Variants in ZNF778 observed in about 807,000 individuals in gnomAD.
ZNF778 encodes zinc finger protein 778.
Under a neutral mutation model 23.9 loss-of-function variants are expected in ZNF778, and 37 were observed. The observed-to-expected ratio is 1.54, with a 90% CI of 1.19 to 2.03. The LOEUF (loss-of-function observed/expected upper bound fraction) is 2.03. Among genes scored for constraint, ZNF778 ranks in the 30% most tolerant of loss-of-function variants. The pLI is 0.00. For synonymous variants in ZNF778, 483 were observed against 343.9 expected, an observed-to-expected ratio of 1.40 and a Z score of -4.48; for missense variants, 1,297 against 934.4, an observed-to-expected ratio of 1.39 and a Z score of -5.06.
At chr16:89,223,371 G>A (rs917184166) in intron 4 of ZNF778, 88 bp downstream of exon 4, 37 of 1,556,826 alleles carry the variant, frequency 2.4e-5, no homozygotes, top group East Asian at 2.0e-4. Flanking sequence ...CGGCAAAGCC[G>A]AGTACCACGG....
In ZNF778 at chr16:89,221,013, C is replaced by A; in HGVS notation, c.-115C>A. ...GATTGCTAGGAAATAGGGATCCAGC[C>A]ATCCGTGGGTCAGGAGGAATGGAGA... On this transcript the variant is annotated 5_prime_UTR_variant, in exon 2 of 7. Coordinates refer to ENST00000433976, the MANE Select transcript of ZNF778 (RefSeq NM_001201407.2). 2.6e-6 allele frequency: 3 copies of A among 1,132,426 alleles called. No individual in the cohort carries two copies. The highest frequency in any genetic ancestry group is 1.4e-5 in the South Asian group (1 of 72,368). The allele number at this position is 1,132,426 out of a possible 1,614,324, so 70.1% of individuals were successfully genotyped here.
In ZNF778 at chr16:89,235,821, G is replaced by C. The variant is rs1411476129; in HGVS notation, c.*7259G>C. The C allele has an allele frequency of 2.6e-5, 4 of 151,982 alleles. No individual in the cohort carries two copies. The highest frequency in any genetic ancestry group is 4.4e-5 in the Non-Finnish European group (3 of 67,994). The allele number at this position is 151,982 out of a possible 1,614,324, so 9.4% of individuals were successfully genotyped here. A position where few individuals can be genotyped will look rare whatever the true frequency, so the allele number is the denominator to read the frequency against. The stretch of plus-strand genomic sequence containing the variant: ...TATTTGGTGTAAGATAAAAACTTAA[G>C]TTTGAAGAGGTTCCATGAGCCCCAG... On this transcript the variant is annotated 3_prime_UTR_variant, in exon 7 of 7. Transcript: ENST00000433976.
chr16:89,221,076 T>C lies in ZNF778; in HGVS notation c.-52T>C. On this transcript the variant is annotated 5_prime_UTR_variant, in exon 2 of 7. Transcript: ENST00000433976. ...CATAGATTCACAAGCTGCCCTGCAGTGGCCTTGGCTTCAGGAAAGGAGCAT... is the reference window on the plus strand; with the variant it reads ...CATAGATTCACAAGCTGCCCTGCAGCGGCCTTGGCTTCAGGAAAGGAGCAT... The C allele has an allele frequency of 1.3e-6, 2 of 1,555,052 alleles. No homozygotes were observed. The highest frequency in any genetic ancestry group is 1.7e-6 in the Non-Finnish European group (2 of 1,148,766).
intron 4 of ZNF778, 33 bp downstream of exon 4, chr16:89,223,316 G>A (rs2031151839): frequency 3.7e-6 from 6 of 1,612,630 alleles, no homozygotes; most frequent in Non-Finnish European, 4.2e-6. Flanking sequence ...CAACTTCTGT[G>A]GAACCAATAC....
chr16:89,224,683 A>T, intron 4 of ZNF778, 36 bp from the exon 5 acceptor site: 1 of 1,465,658 alleles, frequency 6.8e-7, no homozygotes, highest in Non-Finnish European at 9.2e-7. Context: ...CCCCTGCCTG[A>T]GCCTCTTCCA....
At position 89,222,161 on chromosome 16, in the gene ZNF778, G is replaced by C. The variant is rs772853252; in HGVS notation, c.95G>C (p.Gly32Ala). 1 of 1,604,744 alleles carries C rather than the reference G, an allele frequency of 6.2e-7. No individual in the cohort carries two copies. The highest frequency in any genetic ancestry group is 8.5e-7 in the Non-Finnish European group (1 of 1,173,992). Residue 32 changes from glycine to alanine, a missense_variant, in exon 3 of 7, where the codon GGC becomes GCC. By Grantham distance (60) the Gly-to-Ala change is moderately conservative. Coordinates refer to ENST00000433976, the MANE Select transcript of ZNF778 (RefSeq NM_001201407.2). ...ACACAGGCAGCAGGGATGGTGGCTG[G>C]CTGGCTGATAAATTGTTACCAGGTA... ...EQTQAAGMVA[G>A]WLINCYQDAV...
intron 1 of ZNF778, among the ~76,000 whole-genome samples, chr16:89,219,004 G>A (rs1201453207): frequency 2.0e-5 from 3 of 152,066 alleles, no homozygotes; most frequent in Non-Finnish European, 4.4e-5. Context: ...CTAGTCGGGA[G>A]GCTGAGGCAG....
At chr16:89,219,784 G>A (rs770868151) in intron 1 of ZNF778, among the ~76,000 whole-genome samples, 1 of 152,030 alleles carries the variant, frequency 6.6e-6, no homozygotes, top group Non-Finnish European at 1.5e-5. Context: ...TGTGTAGAGC[G>A]TTAACGCTGT....
rs912163299 is a variant in ZNF778 at position 89,227,598 on chromosome 16, C to T, written c.1310C>T (p.Thr437Ile). The T allele has an allele frequency of 6.2e-7, 1 of 1,614,186 alleles. No individual in the cohort carries two copies. The highest frequency in any genetic ancestry group is 1.3e-5 in the African/African-American group (1 of 75,054). The stretch of plus-strand genomic sequence containing the variant: ...GCCTTCACTGTGCGCTGTGGCCTTA[C>T]TAGACACGTACGAACACACACGGGC... ...GKAFTVRCGL[T>I]RHVRTHTGEK... The change falls in exon 7 of 7, where the codon ACT (threonine) becomes ATT (isoleucine). Residue 437 changes from threonine to isoleucine, a missense_variant. Thr to Ile is a moderately conservative substitution (Grantham distance 89). Transcript: ENST00000433976.
chr16:89,220,660 G>A (rs2030842222), intron 1 of ZNF778, among the ~76,000 whole-genome samples: 1 of 152,156 alleles, frequency 6.6e-6, no homozygotes, highest in African/African-American at 2.4e-5. Context: ...CATCTCAAAA[G>A]CAAACAAAAC....
Position 89,226,956 on chromosome 16 carries a change from G to A in ZNF778, c.668G>A (p.Arg223Lys). The stretch of plus-strand genomic sequence containing the variant: ...TCCCAGCAAGCATGCACTCGGGACA[G>A]ATCTCTTGACTACAGCAGCTGTGGG... Reference protein sequence around the residue: ...VVSQQACTRDRSLDYSSCGEV... With the variant: ...VVSQQACTRDKSLDYSSCGEV... The change falls in exon 7 of 7, where the codon AGA becomes AAA. Residue 223 changes from arginine (R) to lysine (K), a missense_variant. Transcript: ENST00000433976. 2 of 1,614,056 alleles carry A rather than the reference G, an allele frequency of 1.2e-6. No homozygotes were observed. Among genetic ancestry groups the A allele is most frequent in the South Asian group, 2.2e-5 (2 of 91,086 alleles).
In ZNF778 at chr16:89,227,837, C is replaced by A. The variant is rs371046890; in HGVS notation, c.1549C>A (p.Arg517Ser). 1.2e-6 allele frequency: 2 copies of A among 1,613,922 alleles called. No individual in the cohort carries two copies. Among genetic ancestry groups the A allele is most frequent in the East Asian group, 4.5e-5 (2 of 44,830 alleles). The change falls in exon 7 of 7, where the codon CGC (arginine) becomes AGC (serine). Residue 517 changes from arginine to serine, a missense_variant. Physicochemically the swap from Arg to Ser is moderately radical, Grantham distance 110. Transcript: ENST00000433976. The stretch of plus-strand genomic sequence containing the variant: ...GCAGTGTGGCAAAGCCTTCACAGGG[C>A]GCTCAGGCCTCACTAAACACATGCG... ...CKQCGKAFTG[R>S]SGLTKHMRTH...
rs751190470 is a variant in ZNF778 at position 89,227,042 on chromosome 16, A to C, written c.754A>C (p.Thr252Pro). Residue 252 changes from threonine to proline, a missense_variant, in exon 7 of 7, where the codon ACA becomes CCA. Coordinates refer to ENST00000433976, the MANE Select transcript of ZNF778 (RefSeq NM_001201407.2). ...ARAGSHNGEE[T>P]WKWKPCGKAL... ...TGCGGGAAGTCACAACGGAGAAGAA[A>C]CATGGAAATGGAAGCCGTGTGGGAA... 6.2e-7 allele frequency: 1 copy of C among 1,613,992 alleles called. No individual in the cohort carries two copies. The highest frequency in any genetic ancestry group is 2.2e-5 in the East Asian group (1 of 44,892).
rs778574928 is a variant in ZNF778, at chr16:89,227,564, T to A, written c.1276T>A (p.Cys426Ser). The A allele has an allele frequency of 6.2e-7, 1 of 1,614,196 alleles. No homozygotes were observed. The highest frequency in any genetic ancestry group is 8.5e-7 in the Non-Finnish European group (1 of 1,180,034). Reference protein sequence around the residue: ...TGIKPYTCSYCGKAFTVRCGL... With the variant: ...TGIKPYTCSYSGKAFTVRCGL... ...AATAAAACCCTATACATGCAGCTAC[T>A]GTGGGAAGGCCTTCACTGTGCGCTG... Residue 426 changes from cysteine to serine, a missense_variant, in exon 7 of 7, where the codon TGT becomes AGT. Cys to Ser is a moderately radical substitution (Grantham distance 112). Coordinates refer to ENST00000433976, the MANE Select transcript of ZNF778 (RefSeq NM_001201407.2).
rs774584775 is a variant in ZNF778 at position 89,227,074 on chromosome 16, A to G, written c.786A>G (p.Leu262=). The change falls in exon 7 of 7, where the codon CTA becomes CTG. Residue 262 remains leucine, a synonymous_variant. Transcript: ENST00000433976. ...TWKWKPCGKA[L]THSMGCATPV... ...AATGGAAGCCGTGTGGGAAAGCTCTAACTCACTCCATGGGCTGCGCCACAC... is the reference window on the plus strand; with the variant it reads ...AATGGAAGCCGTGTGGGAAAGCTCTGACTCACTCCATGGGCTGCGCCACAC... 3.1e-6 allele frequency: 5 copies of G among 1,613,964 alleles called. No homozygotes were observed. Among genetic ancestry groups the G allele is most frequent in the Middle Eastern group, 3.3e-4 (2 of 6,062 alleles).
chr16:89,228,953 G>A lies in ZNF778; in HGVS notation c.*391G>A, dbSNP rs2031747130. The A allele has an allele frequency of 3.0e-6, 3 of 1,004,618 alleles. No homozygotes were observed. The highest frequency in any genetic ancestry group is 3.6e-6 in the Non-Finnish European group (3 of 842,048). 62.2% of individuals were successfully genotyped at this position (1,004,618 alleles called of 1,614,324 possible). On this transcript the variant is annotated 3_prime_UTR_variant, in exon 7 of 7. Transcript: ENST00000433976. ...TCACCCTTTAGTAAACGTGGTGATTGACACTTGAAGTGTTGTGAATGTATG... is the reference window on the plus strand; with the variant it reads ...TCACCCTTTAGTAAACGTGGTGATTAACACTTGAAGTGTTGTGAATGTATG...
chr16:89,225,474 G>GC, intron 5 of ZNF778, 81 bp from the exon 6 acceptor site: 3 of 1,118,254 alleles, frequency 2.7e-6, no homozygotes, highest in Non-Finnish European at 3.8e-6. Context: ...TCTTTGCTTT[G>GC]TTTTTTTTTC....
rs1313916580 is a variant in ZNF778 at position 89,228,689 on chromosome 16, C to T, written c.*127C>T. Reference sequence around the variant, plus strand: ...CAATCAGCATCTCATCACAACCCGGCAGGCAGGAACTCACCCTGGAGCCCT... The same window carrying T: ...CAATCAGCATCTCATCACAACCCGGTAGGCAGGAACTCACCCTGGAGCCCT... On this transcript the variant is annotated 3_prime_UTR_variant, in exon 7 of 7. Transcript: ENST00000433976. 11 of 1,472,844 alleles carry T rather than the reference C, an allele frequency of 7.5e-6. No homozygotes were observed. Among genetic ancestry groups the T allele is most frequent in the Non-Finnish European group, 9.8e-6 (11 of 1,117,044 alleles). The allele number at this position is 1,472,844 out of a possible 1,614,324, so 91.2% of individuals were successfully genotyped here.
In ZNF778 at chr16:89,226,282, C is replaced by T. The variant is rs569853824; in HGVS notation, c.406-412C>T. The stretch of plus-strand genomic sequence containing the variant: ...ATGCAACGGCGCAATCTTAGCTCGC[C>T]GCAACCTCTGCCTCCCTGGTTCAAG... On this transcript the variant is annotated intron_variant, in intron 6 of 6. Transcript: ENST00000433976. Among the ~76,000 whole-genome samples the T allele has an allele frequency of 5.3e-5, 8 of 151,912 alleles. No individual in the cohort carries two copies. The East Asian group carries it at 7.7e-4, about 15-fold the overall frequency.
Sources: allele counts gnomAD v4.1 joint callset (sites outside exome capture counted in the v4.1 genomes callset), GRCh38; gene constraint gnomAD v4.1.1; transcripts MANE v1.5; gene names NCBI Gene and HGNC (gene_info 2026-07-23, HGNC 2026-07-21).